USP6: variants seen among roughly 807,000 people sequenced by gnomAD.
The protein encoded by USP6 is ubiquitin carboxyl-terminal hydrolase 6.
A neutral mutation model predicts 175.7 loss-of-function variants in USP6; 128 were observed. That is an observed-to-expected ratio of 0.73 (90% confidence interval 0.63 to 0.84). The LOEUF is 0.84. Ranked by LOEUF, USP6 falls within the 40% of genes least tolerant of loss-of-function variation. The pLI, the probability that USP6 is intolerant of heterozygous loss-of-function variation, is 0.00. For synonymous variants in USP6, 562 were observed against 630.6 expected, an observed-to-expected ratio of 0.89 and a Z score of 1.63; for missense variants, 1,498 against 1,760.3, an observed-to-expected ratio of 0.85 and a Z score of 2.67.
intron 18 of USP6, 34 bp downstream of exon 18, chr17:5,136,768 G>T: frequency 6.2e-7 from 1 of 1,607,942 alleles, no homozygotes; most frequent in South Asian, 1.1e-5. Flanking sequence ...CTTCTCAGAG[G>T]CCCTGCCTCC....
At chr17:5,148,794 G>A (rs780072484) in intron 30 of USP6, 27 bp downstream of exon 30, 3 of 1,605,894 alleles carry the variant, frequency 1.9e-6, no homozygotes, top group African/African-American at 2.7e-5. Context: ...GCAACTCACT[G>A]CCAGTCTTGC....
rs557026874 is a variant in USP6, at chr17:5,143,345, G to A, written c.1818+843G>A. Among the ~76,000 whole-genome samples the A allele has an allele frequency of 5.3e-5, 8 of 152,328 alleles. No homozygotes were observed. The South Asian group carries it at 6.2e-4, about 12-fold the overall frequency. ...AAGGTGGGGAAAAGATTGAGAAATCGGATGGTTGCTGTGTCTGCGTAGAAA... is the reference window on the plus strand; with the variant it reads ...AAGGTGGGGAAAAGATTGAGAAATCAGATGGTTGCTGTGTCTGCGTAGAAA... On this transcript the variant is annotated intron_variant, in intron 25 of 37. Transcript: ENST00000574788.
At chr17:5,146,209 A>G (rs371257994) in intron 28 of USP6, 35 bp downstream of exon 28, 256 of 1,545,590 alleles carry the variant, frequency 1.7e-4, no homozygotes, top group Middle Eastern at 3.5e-4. Flanking sequence ...TTTTGATTCT[A>G]TCCTTCAAAG....
chr17:5,168,959 A>G lies in USP6; in HGVS notation c.3421A>G (p.Lys1141Glu). ...SKPRILAREV[K>E]KVDAQSSAGK... ...GCCCAGGATTCTGGCAAGAGAGGTG[A>G]AGAAAGTGGATGCGCAGAGTTCGGC... The change falls in exon 35 of 38, where the codon AAG becomes GAG. Residue 1141 changes from lysine (K) to glutamate (E), a missense_variant. Physicochemically the swap from Lys to Glu is moderately conservative, Grantham distance 56. Around this residue, in one of 2 missense-constraint regions of USP6, gnomAD observed 1,217 missense variants for 1,500.8 expected, o/e 0.81. Transcript: ENST00000574788. 1 of 1,614,014 alleles carries G rather than the reference A, an allele frequency of 6.2e-7. No homozygotes were observed. Among genetic ancestry groups the G allele is most frequent in the Non-Finnish European group, 8.5e-7 (1 of 1,179,868 alleles).
chr17:5,153,139 C>T (rs1230936356), intron 30 of USP6, among the ~76,000 whole-genome samples: 1 of 152,136 alleles, frequency 6.6e-6, no homozygotes, highest in Non-Finnish European at 1.5e-5. Flanking sequence ...ATTACTGTAA[C>T]ATTTAGAATA....
intron 22 of USP6, among the ~76,000 whole-genome samples, 194 bp downstream of exon 22, chr17:5,139,868 C>T (rs1237875472): frequency 2.0e-5 from 3 of 152,306 alleles, no homozygotes; most frequent in Admixed American, 6.5e-5. Flanking sequence ...CTTCTAGAAG[C>T]ATCTGGGCCA....
In USP6 at chr17:5,118,222, G is replaced by A. The variant is rs967738825; in HGVS notation, c.-1905G>A. ...CAGGATTTTTTTCCTTGATTCCTTC[G>A]TGGGACTCAAGACAGGGGTGCCCTG... On this transcript the variant is annotated 5_prime_UTR_variant, in exon 2 of 38. It adds an upstream start codon to the 5' untranslated region. Transcript: ENST00000574788. 2.6e-5 allele frequency: 4 copies of A among 152,350 alleles called. No homozygotes were observed. The highest frequency in any genetic ancestry group is 7.2e-5 in the African/African-American group (3 of 41,400). 9.4% of individuals were successfully genotyped at this position (152,350 alleles called of 1,614,324 possible).
Position 5,118,187 on chromosome 17 carries a change from C to T in USP6, c.-1927-13C>T, listed in dbSNP as rs3931085. The T allele has an allele frequency of 0.48, 73,477 of 152,302 alleles. 20,396 individuals are homozygous for T. The highest frequency in any genetic ancestry group is 0.64 in the Non-Finnish European group (43,798 of 68,140). 9.4% of individuals were successfully genotyped at this position (152,302 alleles called of 1,614,324 possible). On this transcript the variant is annotated splice_polypyrimidine_tract_variant and intron_variant, in intron 1 of 37. Transcript: ENST00000574788. The stretch of plus-strand genomic sequence containing the variant: ...AGGGATGGTAGTGACAGTCTTATTT[C>T]CTATTGATACAGGATTTTTTTCCTT...
In USP6 at chr17:5,137,207, C is replaced by A. The variant is rs769806525; in HGVS notation, c.825+21C>A. On this transcript the variant is annotated intron_variant, in intron 19 of 37. Coordinates refer to ENST00000574788, the MANE Select transcript of USP6 (RefSeq NM_001304284.2). ...ACGGGGTAAGGAGGCATAGGGAGAC[C>A]CTGGCTCAGGGACCCTCCTTGCCCT... 1.4e-5 allele frequency: 22 copies of A among 1,611,536 alleles called. No homozygotes were observed. In the African/African-American group the frequency reaches 2.5e-4, roughly 19 times the overall value.
chr17:5,142,204 A>G (rs754355573), intron 24 of USP6, 63 bp downstream of exon 24: 5 of 1,568,128 alleles, frequency 3.2e-6, no homozygotes, highest in Non-Finnish European at 3.5e-6. Context: ...ACTATCACCT[A>G]AATTTCCTCT....
intron 4 of USP6, among the ~76,000 whole-genome samples, chr17:5,122,624 G>T (rs2072720892): frequency 6.6e-6 from 1 of 151,874 alleles, no homozygotes; most frequent in Non-Finnish European, 1.5e-5. Context: ...GGGCCCTCCC[G>T]GAACGGCCGG....
In USP6 at chr17:5,132,192, C is replaced by T. The variant is rs2073090915; in HGVS notation, c.156-204C>T. On this transcript the variant is annotated intron_variant, in intron 11 of 37. Coordinates refer to ENST00000574788, the MANE Select transcript of USP6 (RefSeq NM_001304284.2). The surrounding 1 kb of genome is among the most constrained non-coding windows in gnomAD (Gnocchi z 4.7). ...CCCAGTAACCCCAGCCAGGCTGTCC[C>T]TGCACTCCTTCTTCTCCCAGGTCCT... The T allele has an allele frequency of 6.5e-7, 1 of 1,536,178 alleles. No homozygotes were observed. The highest frequency in any genetic ancestry group is 2.0e-5 in the Admixed American group (1 of 50,940).
At chr17:5,147,014 A>C in intron 28 of USP6, 69 bp from the exon 29 acceptor site, 1 of 1,453,380 alleles carries the variant, frequency 6.9e-7, no homozygotes, top group Non-Finnish European at 9.5e-7. Flanking sequence ...TTTGAAATAC[A>C]TTAGAGAGAG....
chr17:5,144,857 T>A lies in USP6; in HGVS notation c.1986T>A (p.Ala662=). 1 of 1,593,914 alleles carries A rather than the reference T, an allele frequency of 6.3e-7. No homozygotes were observed. Among genetic ancestry groups the A allele is most frequent in the Non-Finnish European group, 8.6e-7 (1 of 1,165,450 alleles). The change falls in exon 26 of 38, where the codon GCT becomes GCA. Residue 662 remains alanine (A), a synonymous_variant. Transcript: ENST00000574788. ...DSDGRPDWEV[A]AEAWDNHLRR... ...ATGGCCGACCAGACTGGGAAGTAGCTGCAGAGGTTTGTCAGTTTTGAGTTT... is the reference window on the plus strand; with the variant it reads ...ATGGCCGACCAGACTGGGAAGTAGCAGCAGAGGTTTGTCAGTTTTGAGTTT...
In USP6 at chr17:5,143,286, G is replaced by A. The variant is rs558358153; in HGVS notation, c.1818+784G>A. Among the ~76,000 whole-genome samples, 6 of 152,366 alleles carry A rather than the reference G, an allele frequency of 3.9e-5. No individual in the cohort carries two copies. In the East Asian group the frequency reaches 9.6e-4, roughly 25 times the overall value. Reference sequence around the variant, plus strand: ...CAGCTCATTGAGAACGGGCCATGACGACAATGGCGGTTTTGTGGAATAGAA... The same window carrying A: ...CAGCTCATTGAGAACGGGCCATGACAACAATGGCGGTTTTGTGGAATAGAA... On this transcript the variant is annotated intron_variant, in intron 25 of 37. Transcript: ENST00000574788.
chr17:5,164,971 A>C, intron 33 of USP6, among the ~76,000 whole-genome samples: 1 of 152,228 alleles, frequency 6.6e-6, no homozygotes, highest in Non-Finnish European at 1.5e-5. Flanking sequence ...CATTAGAGGA[A>C]TGGTTAAATA....
intron 27 of USP6, among the ~76,000 whole-genome samples, 162 bp from the exon 28 acceptor site, chr17:5,145,858 ATAT>A (rs2073593273): frequency 6.6e-6 from 1 of 152,164 alleles, no homozygotes; most frequent in African/African-American, 2.4e-5. Flanking sequence ...ATTTCACTTA[ATAT>A]TATCCCTAAG....
chr17:5,164,028 G>C (rs746529983), intron 33 of USP6, among the ~76,000 whole-genome samples: 19 of 152,198 alleles, frequency 1.2e-4, no homozygotes, highest in Non-Finnish European at 2.5e-4. Context: ...TATTTGAAAG[G>C]TAAAGACATT....
rs114842185 is a variant in USP6 at position 5,126,540 on chromosome 17, C to T, written c.-474+602C>T. Among the ~76,000 whole-genome samples the T allele has an allele frequency of 7.4e-3, 1,122 of 152,222 alleles. 21 individuals carry two copies. Among genetic ancestry groups the T allele is most frequent in the African/African-American group, 0.025 (1,033 of 41,532 alleles). On this transcript the variant is annotated intron_variant, in intron 6 of 37. Transcript: ENST00000574788. ...GGAACTGGGATCAAGAGTAACTCGACCTCCTACTCATGCACGTCTCTCTCT... is the reference window on the plus strand; with the variant it reads ...GGAACTGGGATCAAGAGTAACTCGATCTCCTACTCATGCACGTCTCTCTCT...
Sources: gnomAD v4.1 joint callset for allele counts (sites outside exome capture counted in the v4.1 genomes callset) on GRCh38, gnomAD v4.1.1 for gene constraint, gnomAD v4.1.1 regional missense constraint, Gnocchi (gnomAD v3.1) non-coding constraint, MANE v1.5 for transcripts, NCBI Gene and HGNC (gene_info 2026-07-23, HGNC 2026-07-21) for gene names.